Variants in IGSF21 observed in about 807,000 individuals in gnomAD.
IGSF21 encodes the protein immunoglobin superfamily member 21.
Under a neutral mutation model 46.8 loss-of-function variants are expected in IGSF21, and 28 were observed. The observed-to-expected ratio is 0.60, with a 90% CI of 0.44 to 0.82. The LOEUF is 0.82. Among genes scored for constraint, IGSF21 ranks in the 40% least tolerant of loss-of-function variants. The probability of loss-of-function intolerance (pLI) is 0.00; values close to 1 mark genes in which losing one functional copy is unlikely to be tolerated. For synonymous variants in IGSF21, 284 were observed against 273.6 expected (o/e 1.04, Z -0.38); for missense variants, 624 against 665.5 (o/e 0.94, Z 0.69).
At chr1:18,252,345 G>T (rs1027640505) in intron 2 of IGSF21, among the ~76,000 whole-genome samples, 2 of 151,776 alleles carry the variant, frequency 1.3e-5, no homozygotes, top group Non-Finnish European at 2.9e-5. Flanking sequence ...CACTGCACCC[G>T]GCCTGACCAA....
intron 4 of IGSF21, among the ~76,000 whole-genome samples, chr1:18,347,052 G>A (rs112913561): frequency 1.7e-4 from 26 of 152,306 alleles, no homozygotes; most frequent in Middle Eastern, 6.8e-3. Flanking sequence ...TTTGGGGCTC[G>A]GAGGAGCATT....
At position 18,335,552 on chromosome 1, in the gene IGSF21, C is replaced by T. The variant is rs2124606702; in HGVS notation, c.424+542C>T. Among the ~76,000 whole-genome samples the T allele has an allele frequency of 6.6e-6, 1 of 152,288 alleles. No homozygotes were observed. The highest frequency in any genetic ancestry group is 2.1e-4 in the South Asian group (1 of 4,822). On this transcript the variant is annotated intron_variant, in intron 4 of 9. Transcript: ENST00000251296. The surrounding 1 kb of genome is among the most constrained non-coding windows in gnomAD (Gnocchi z 4.8). ...TGGGTAAGTCTATCCCCATCCCAGA[C>T]TCAGTTTTCCCATGTGTAAAACAAG...
At position 18,244,141 on chromosome 1, in the gene IGSF21, C is replaced by T. The variant is rs775341520; in HGVS notation, c.183+16131C>T. Among the ~76,000 whole-genome samples, 116 of 152,308 alleles carry T rather than the reference C, an allele frequency of 7.6e-4. 4 individuals are homozygous for T. The highest frequency in any genetic ancestry group is 5.9e-3 in the Admixed American group (91 of 15,306). On this transcript the variant is annotated intron_variant, in intron 2 of 9. Transcript: ENST00000251296. ...TTTTGCCAATGCAGCATTCTGGAAG[C>T]GCTTTGCAAATGTCGTTTCTCAGGA...
At chr1:18,223,867 C>T (rs770484856) in intron 1 of IGSF21, among the ~76,000 whole-genome samples, 1 of 152,186 alleles carries the variant, frequency 6.6e-6, no homozygotes, top group Non-Finnish European at 1.5e-5. Flanking sequence ...GCCTGGAAAC[C>T]CCACTCCCTC....
At position 18,337,342 on chromosome 1, in the gene IGSF21, A is replaced by C. The variant is rs952409186; in HGVS notation, c.424+2332A>C. 1.3e-5 allele frequency among the ~76,000 whole-genome samples: 2 copies of C among 152,166 alleles called. No homozygotes were observed. Among genetic ancestry groups the C allele is most frequent in the Admixed American group, 1.3e-4 (2 of 15,270 alleles). ...CCTCCTAGGGTGGCTGTGAGGCTTA[A>C]AGTAGATAAAGTTTGCAGAACGCCT... On this transcript the variant is annotated intron_variant, in intron 4 of 9. Transcript: ENST00000251296. The surrounding 1 kb of genome is among the most constrained non-coding windows in gnomAD (Gnocchi z 5.7).
intron 3 of IGSF21, among the ~76,000 whole-genome samples, chr1:18,294,236 T>TTAGC (rs1042319069): frequency 1.6e-4 from 25 of 152,128 alleles, no homozygotes; most frequent in African/African-American, 6.0e-4. Flanking sequence ...TAGCTGCAAG[T>TTAGC]TGTGAGGAGC....
chr1:18,195,175 C>T (rs2086995112), intron 1 of IGSF21, among the ~76,000 whole-genome samples: 1 of 152,154 alleles, frequency 6.6e-6, no homozygotes, highest in Admixed American at 6.5e-5. Flanking sequence ...ACAGAGCATC[C>T]AGAAAGTAAA....
intron 1 of IGSF21, among the ~76,000 whole-genome samples, chr1:18,136,460 T>C (rs2086368265): frequency 6.6e-6 from 1 of 152,266 alleles, no homozygotes; most frequent in African/African-American, 2.4e-5. Flanking sequence ...GGGATCCAGT[T>C]TCAGCTTTCA....
chr1:18,135,730 A>G (rs2086362619), intron 1 of IGSF21, among the ~76,000 whole-genome samples: 1 of 152,120 alleles, frequency 6.6e-6, no homozygotes, highest in African/African-American at 2.4e-5. Flanking sequence ...ATACGTGTGC[A>G]TATGTCTTTA....
chr1:18,153,754 C>T (rs2086542605), intron 1 of IGSF21, among the ~76,000 whole-genome samples: 1 of 152,064 alleles, frequency 6.6e-6, no homozygotes, highest in Non-Finnish European at 1.5e-5. Context: ...CACGAAGGGA[C>T]CAGGACTTGA....
At chr1:18,220,421 G>A (rs2084498353) in intron 1 of IGSF21, among the ~76,000 whole-genome samples, 1 of 152,114 alleles carries the variant, frequency 6.6e-6, no homozygotes, top group African/African-American at 2.4e-5. Flanking sequence ...AGGCTGCTTA[G>A]GGAAAAGCCC....
intron 1 of IGSF21, among the ~76,000 whole-genome samples, chr1:18,153,641 T>C (rs2124436236): frequency 6.6e-6 from 1 of 151,838 alleles, no homozygotes; most frequent in Non-Finnish European, 1.5e-5. Context: ...GGTGTGATGA[T>C]CTCTACTTCG....
At chr1:18,231,551 C>A (rs191770040) in intron 2 of IGSF21, among the ~76,000 whole-genome samples, 1 of 152,174 alleles carries the variant, frequency 6.6e-6, no homozygotes, top group Non-Finnish European at 1.5e-5. Flanking sequence ...ATCATAGCCC[C>A]TTGGTCTGGG....
intron 4 of IGSF21, among the ~76,000 whole-genome samples, chr1:18,360,634 G>T (rs925281655): frequency 6.6e-6 from 1 of 152,142 alleles, no homozygotes; most frequent in African/African-American, 2.4e-5. Context: ...CTCCCTGTGC[G>T]TGTCCCAAGG....
intron 8 of IGSF21, 39 bp downstream of exon 8, chr1:18,377,031 A>G: frequency 6.4e-7 from 1 of 1,555,148 alleles, no homozygotes; most frequent in Non-Finnish European, 8.7e-7. Context: ...GAACAACCAC[A>G]GGGGCGGGTC....
At chr1:18,235,149 G>A (rs1396868990) in intron 2 of IGSF21, among the ~76,000 whole-genome samples, 1 of 152,214 alleles carries the variant, frequency 6.6e-6, no homozygotes, top group Non-Finnish European at 1.5e-5. Flanking sequence ...TGGAGCCTCA[G>A]GGCATTTGTA....
chr1:18,160,147 A>G (rs1406902170), intron 1 of IGSF21, among the ~76,000 whole-genome samples: 1 of 152,086 alleles, frequency 6.6e-6, no homozygotes, highest in East Asian at 1.9e-4. Context: ...CTAGGGGGAG[A>G]GAAGGAAGGA....
chr1:18,321,500 G>A (rs529828086), intron 3 of IGSF21, among the ~76,000 whole-genome samples: 1 of 152,308 alleles, frequency 6.6e-6, no homozygotes, highest in South Asian at 2.1e-4. Flanking sequence ...AAACCAGGTG[G>A]TTTATGAACA....
At chr1:18,132,420 T>C (rs969585698) in intron 1 of IGSF21, among the ~76,000 whole-genome samples, 1 of 152,214 alleles carries the variant, frequency 6.6e-6, no homozygotes, top group African/African-American at 2.4e-5. Flanking sequence ...AGGCAGCTTT[T>C]CAGTGTTTGT....
Sources: gnomAD v4.1 joint callset for allele counts (sites outside exome capture counted in the v4.1 genomes callset) on GRCh38, gnomAD v4.1.1 for gene constraint, Gnocchi (gnomAD v3.1) non-coding constraint, MANE v1.5 for transcripts, NCBI Gene and HGNC (gene_info 2026-07-23, HGNC 2026-07-21) for gene names.